The following PLD5 variants were observed in gnomAD, a reference collection of about 807,000 sequenced individuals.
PLD5 encodes the protein phospholipase D family member 5, also known as inactive phospholipase D5.
Under a neutral mutation model 61.1 loss-of-function variants are expected in PLD5, and 36 were observed. That is an observed-to-expected ratio of 0.59 (90% CI 0.45 to 0.78). PLD5 has a LOEUF of 0.78. Ranked by LOEUF, PLD5 falls within the 30% of genes least tolerant of loss-of-function variation. The pLI, the probability that PLD5 is intolerant of heterozygous loss-of-function variation, is 0.00. For synonymous variants in PLD5, 243 were observed against 242.8 expected, an observed-to-expected ratio of 1.00 and a Z score of -0.01; for missense variants, 515 against 644.4, an observed-to-expected ratio of 0.80 and a Z score of 2.17.
Position 242,477,166 on chromosome 1 carries a change from C to T in PLD5, c.189+46922G>A, listed in dbSNP as rs186022203. Among the ~76,000 whole-genome samples the T allele has an allele frequency of 1.2e-4, 18 of 152,136 alleles. No homozygotes were observed. In the East Asian group the frequency reaches 3.3e-3, roughly 28 times the overall value. ...TGGGGAGGCTGAGGCAGGAGAATTG[C>T]TTGAACCTGGGAGGTAGAGGTTGCG... is the stretch of plus-strand genomic sequence containing the variant. On this transcript the variant is annotated intron_variant, in intron 1 of 9. Transcript: ENST00000536534.
chr1:242,373,938 G>T (rs1661798696), intron 1 of PLD5, among the ~76,000 whole-genome samples: 1 of 150,860 alleles, frequency 6.6e-6, no homozygotes. Context: ...TGCATGTTGT[G>T]CACATGTACC....
chr1:242,460,615 C>T (rs1171896610), intron 1 of PLD5, among the ~76,000 whole-genome samples: 1 of 151,816 alleles, frequency 6.6e-6, no homozygotes, highest in African/African-American at 2.4e-5. Flanking sequence ...CCTATACAGA[C>T]ACACAAACAA....
At chr1:242,386,443 G>A (rs1558517216) in intron 1 of PLD5, among the ~76,000 whole-genome samples, 1 of 152,184 alleles carries the variant, frequency 6.6e-6, no homozygotes, top group Non-Finnish European at 1.5e-5. Context: ...GTGACGCACT[G>A]AGAAGTACAC....
chr1:242,089,929 G>T lies in PLD5; in HGVS notation c.1536C>A (p.Ser512Arg), dbSNP rs745805988. 3 of 1,614,178 alleles carry T rather than the reference G, an allele frequency of 1.9e-6. No individual in the cohort carries two copies. The highest frequency in any genetic ancestry group is 2.5e-6 in the Non-Finnish European group (3 of 1,180,026). Residue 512 changes from serine (S) to arginine (R), a missense_variant, in exon 10 of 10, where the codon AGC becomes AGA. Transcript: ENST00000536534. ...TGGAGAGGGGTTTGAGTTTGAACAGGCTTGAGCAGTTCGGCTGTTTGGTTG... is the reference window on the plus strand; with the variant it reads ...TGGAGAGGGGTTTGAGTTTGAACAGTCTTGAGCAGTTCGGCTGTTTGGTTG... ...LQPTKQPNCSSLFKLKPLSNK... is the reference protein window; with the variant it reads ...LQPTKQPNCSRLFKLKPLSNK...
upstream of PLD5, among the ~76,000 whole-genome samples, chr1:242,527,114 C>CT (rs530334746): frequency 0.016 from 1,182 of 71,842 alleles, 186 homozygotes; most frequent in Non-Finnish European, 0.024. Context: ...CTATCTCCTT[C>CT]TTTTTTTTTT....
At chr1:242,422,983 G>A (rs1323470233) in intron 1 of PLD5, among the ~76,000 whole-genome samples, 1 of 151,436 alleles carries the variant, frequency 6.6e-6, no homozygotes, top group Non-Finnish European at 1.5e-5. Context: ...CTAGTAGCTA[G>A]GATTATAGGT....
intron 1 of PLD5, among the ~76,000 whole-genome samples, chr1:242,456,929 A>G (rs1666961791): frequency 6.6e-6 from 1 of 152,176 alleles, no homozygotes; most frequent in African/African-American, 2.4e-5. Context: ...TTGAATGGGA[A>G]AACAAGAATG....
chr1:242,295,856 G>T (rs1038288769), intron 2 of PLD5, among the ~76,000 whole-genome samples: 1 of 151,994 alleles, frequency 6.6e-6, no homozygotes, highest in Non-Finnish European at 1.5e-5. Flanking sequence ...AAATGGTATC[G>T]CATTGTGGTT....
At chr1:242,468,288 G>C (rs1274186991) in intron 1 of PLD5, among the ~76,000 whole-genome samples, 1 of 152,114 alleles carries the variant, frequency 6.6e-6, no homozygotes, top group African/African-American at 2.4e-5. Context: ...CAATATGATG[G>C]TTAGATCAAC....
chr1:242,452,397 T>C (rs545482535), intron 1 of PLD5, among the ~76,000 whole-genome samples: 1 of 152,266 alleles, frequency 6.6e-6, no homozygotes, highest in Non-Finnish European at 1.5e-5. Flanking sequence ...TGAATTACAA[T>C]CACCTCACTG....
At chr1:242,429,824 C>T (rs1197629767) in intron 1 of PLD5, among the ~76,000 whole-genome samples, 6 of 152,192 alleles carry the variant, frequency 3.9e-5, no homozygotes, top group Admixed American at 3.9e-4. Flanking sequence ...ACTCCTCCTT[C>T]AAGCAAATAA....
chr1:242,331,601 C>T (rs574995789), intron 2 of PLD5, among the ~76,000 whole-genome samples: 1 of 152,270 alleles, frequency 6.6e-6, no homozygotes, highest in Non-Finnish European at 1.5e-5. Flanking sequence ...ATGCCTGAAC[C>T]TGGAAAGAGA....
At chr1:242,149,402 T>A (rs1664764325) in intron 5 of PLD5, among the ~76,000 whole-genome samples, 1 of 151,836 alleles carries the variant, frequency 6.6e-6, no homozygotes, top group Non-Finnish European at 1.5e-5. Flanking sequence ...ATTGAGAACT[T>A]CCCATCCATG....
At chr1:242,502,228 C>T (rs1668577225) in intron 1 of PLD5, among the ~76,000 whole-genome samples, 1 of 152,172 alleles carries the variant, frequency 6.6e-6, no homozygotes, top group Non-Finnish European at 1.5e-5. Context: ...AAGTCATCAC[C>T]GTGCCCCTCA....
At chr1:242,446,230 AAATT>A (rs1183745907) in intron 1 of PLD5, among the ~76,000 whole-genome samples, 1 of 151,332 alleles carries the variant, frequency 6.6e-6, no homozygotes, top group Non-Finnish European at 1.5e-5. Flanking sequence ...ATACCAATAC[AAATT>A]AATAAAATAA....
intron 4 of PLD5, among the ~76,000 whole-genome samples, chr1:242,228,360 G>A (rs769995831): frequency 9.9e-5 from 15 of 152,102 alleles, no homozygotes; most frequent in Non-Finnish European, 1.9e-4. Flanking sequence ...CTTCCCTGAC[G>A]ACACGTCCTT....
chr1:242,186,909 G>C (rs1018145572), intron 5 of PLD5, among the ~76,000 whole-genome samples: 3 of 152,128 alleles, frequency 2.0e-5, no homozygotes, highest in African/African-American at 4.8e-5. Flanking sequence ...TAAAATGAAG[G>C]CTTTAAGGAG....
chr1:242,163,467 T>C (rs974212017), intron 5 of PLD5, among the ~76,000 whole-genome samples: 1 of 152,062 alleles, frequency 6.6e-6, no homozygotes, highest in Non-Finnish European at 1.5e-5. Flanking sequence ...ATTGCTGTCA[T>C]TGAGAAGAGA....
In PLD5 at chr1:242,088,463, T is replaced by C. The variant is rs968646812; in HGVS notation, c.*1391A>G. The C allele has an allele frequency of 2.6e-5, 4 of 152,240 alleles. No homozygotes were observed. The highest frequency in any genetic ancestry group is 9.6e-5 in the African/African-American group (4 of 41,464). 9.4% of individuals were successfully genotyped at this position (152,240 alleles called of 1,614,324 possible). ...TATAATGCTTAGCATTTATATAGGT[T>C]CTTTTGATTTCAAAACAAGTTATAA... On this transcript the variant is annotated 3_prime_UTR_variant, in exon 10 of 10. Coordinates refer to ENST00000536534, the MANE Select transcript of PLD5 (RefSeq NM_001372062.1).
Sources: gnomAD v4.1 joint callset for allele counts (sites outside exome capture counted in the v4.1 genomes callset) on GRCh38, gnomAD v4.1.1 for gene constraint, MANE v1.5 for transcripts, NCBI Gene and HGNC (gene_info 2026-07-23, HGNC 2026-07-21) for gene names.